Variants in IL11 observed in about 807,000 individuals in gnomAD.
The protein encoded by IL11 is interleukin 11.
IL11 carries 17 observed loss-of-function variants against 18.1 expected under a neutral mutation model. That is an observed-to-expected ratio of 0.94 (90% confidence interval 0.64 to 1.41). IL11 has a LOEUF of 1.41. IL11 is among the 40% of genes most tolerant of loss of function. IL11 has a pLI of 0.00. For synonymous variants in IL11, 144 were observed against 134.1 expected, an observed-to-expected ratio of 1.07 and a Z score of -0.51; for missense variants, 309 against 262.8, an observed-to-expected ratio of 1.18 and a Z score of -1.22.
chr19:55,366,536 C>T lies in IL11; in HGVS notation c.430-359G>A, dbSNP rs1023315296. On this transcript the variant is annotated intron_variant, in intron 4 of 4. Transcript: ENST00000264563. The surrounding 1 kb of genome is among the most constrained non-coding windows in gnomAD (Gnocchi z 4.6). ...CTGTTAGAACAATTAAGAAGCCAGG[C>T]GCGGGGGCTCACGCCTGTTATCCCA... is the stretch of plus-strand genomic sequence containing the variant. Among the ~76,000 whole-genome samples the T allele has an allele frequency of 6.6e-6, 1 of 151,882 alleles. No homozygotes were observed. The highest frequency in any genetic ancestry group is 1.5e-5 in the Non-Finnish European group (1 of 67,978).
In IL11 at chr19:55,364,903, A is replaced by T. The variant is rs1428038651; in HGVS notation, c.*1104T>A. On this transcript the variant is annotated 3_prime_UTR_variant, in exon 5 of 5. Transcript: ENST00000264563. Reference sequence around the variant, plus strand: ...ATCCACAGATGCACCATGTTGCTTAACCCTCACTGTTGGATATCTAGATTG... The same window carrying T: ...ATCCACAGATGCACCATGTTGCTTATCCCTCACTGTTGGATATCTAGATTG... 1 of 152,198 alleles carries T rather than the reference A, an allele frequency of 6.6e-6. No homozygotes were observed. The highest frequency in any genetic ancestry group is 1.5e-5 in the Non-Finnish European group (1 of 68,048). The allele number at this position is 152,198 out of a possible 1,614,324, so 9.4% of individuals were successfully genotyped here.
chr19:55,366,042 C>T lies in IL11; in HGVS notation c.565G>A (p.Val189Met), dbSNP rs201003688. ...GTCTTCAGCAGCAGCAGTCCCCTCA[C>T]GGCCCAGTCAAGTGTCAGGTGCAGC... is the stretch of plus-strand genomic sequence containing the variant. ...GGLHLTLDWA[V>M]RGLLLLKTRL The change falls in exon 5 of 5, where the codon GTG (valine) becomes ATG (methionine). Residue 189 changes from valine (V) to methionine (M), a missense_variant. Transcript: ENST00000264563. This position sits in a 1 kb window ranked among gnomAD's most constrained non-coding sequence, Gnocchi z 4.6. 2.7e-5 allele frequency: 43 copies of T among 1,603,658 alleles called. No individual in the cohort carries two copies. The East Asian group carries it at 2.9e-4, about 11-fold the overall frequency.
rs1478902145 is a variant in IL11, at chr19:55,365,685, A to G, written c.*322T>C. 9.6e-6 allele frequency: 3 copies of G among 311,788 alleles called. No homozygotes were observed. The highest frequency in any genetic ancestry group is 2.2e-5 in the African/African-American group (1 of 45,106). 19.3% of individuals were successfully genotyped at this position (311,788 alleles called of 1,614,324 possible). ...AACATGAAAAGTAATTGCTTAAATA[A>G]ATAATATATGTTCCTGCCCAGGCCT... On this transcript the variant is annotated 3_prime_UTR_variant, in exon 5 of 5. Coordinates refer to ENST00000264563, the MANE Select transcript of IL11 (RefSeq NM_000641.4).
intron 2 of IL11, 62 bp downstream of exon 2, chr19:55,368,707 G>A: frequency 6.6e-7 from 1 of 1,516,290 alleles, no homozygotes; most frequent in Non-Finnish European, 8.9e-7. Context: ...GCTGCCCGCA[G>A]ACTCCTCTCC....
intron 4 of IL11, among the ~76,000 whole-genome samples, chr19:55,367,136 T>C (rs1244187550): frequency 6.6e-6 from 1 of 152,154 alleles, no homozygotes; most frequent in Non-Finnish European, 1.5e-5. Context: ...TCTTTGGAGT[T>C]AGGCCCAAGA....
chr19:55,369,397 C>G lies in IL11; in HGVS notation c.8-456G>C, dbSNP rs2089807498. On this transcript the variant is annotated intron_variant, in intron 1 of 4. Coordinates refer to ENST00000264563, the MANE Select transcript of IL11 (RefSeq NM_000641.4). The surrounding 1 kb of genome is among the most constrained non-coding windows in gnomAD (Gnocchi z 6.1). ...GGGGAGGCACAGGCCAGAACCTGCC[C>G]CCTCCCCGGGCCGCGGGAGCCCGAG... Among the ~76,000 whole-genome samples, 1 of 151,898 alleles carries G rather than the reference C, an allele frequency of 6.6e-6. No homozygotes were observed. The highest frequency in any genetic ancestry group is 2.1e-4 in the South Asian group (1 of 4,822).
chr19:55,368,878 G>A lies in IL11; in HGVS notation c.71C>T (p.Pro24Leu), dbSNP rs778297416. ...GGAAACTCGAGGGGGGCCAGGTGGT[G>A]GCCCAGGGGCGACAGCTGTATCTGG... The part of the protein sequence containing the change: ...LWPDTAVAPG[P>L]PPGPPRVSPD... Residue 24 changes from proline (P) to leucine (L), a missense_variant, in exon 2 of 5, where the codon CCA becomes CTA. Pro to Leu is a moderately conservative substitution (Grantham distance 98). Transcript: ENST00000264563. 3.6e-5 allele frequency: 56 copies of A among 1,568,994 alleles called. No individual in the cohort carries two copies. The East Asian group carries it at 1.1e-3, about 31-fold the overall frequency.
chr19:55,369,643 GCGCGGGGGTCCGGAGCT>G lies in IL11; in HGVS notation c.7+644_7+660del, dbSNP rs1366051297. Among the ~76,000 whole-genome samples, 1 of 120,018 alleles carries G rather than the reference GCGCGGGGGTCCGGAGCT, an allele frequency of 8.3e-6. No individual in the cohort carries two copies. Among genetic ancestry groups the G allele is most frequent in the African/African-American group, 4.2e-5 (1 of 23,876 alleles). The allele number at this position is 120,018 out of a possible 152,430, so 78.7% of individuals were successfully genotyped here. A position where few individuals can be genotyped will look rare whatever the true frequency, so the allele number is the denominator to read the frequency against. On this transcript the variant is annotated intron_variant, in intron 1 of 4. Coordinates refer to ENST00000264563, the MANE Select transcript of IL11 (RefSeq NM_000641.4). The surrounding 1 kb of genome is among the most constrained non-coding windows in gnomAD (Gnocchi z 6.1). ...GCGGGGGGCGCGGGGGGCGCGGGGG[GCGCGGGGGTCCGGAGCT>G]CGCTCCCCGCAGCCCACCCCGGCCG...
chr19:55,368,790 CG>C lies in IL11; in HGVS notation c.158del (p.Thr53SerfsTer8). ...CTACCAGCTGTGCAGCCAGCTGCCG[CG>C]TGTCCGCCAGGAGAGAGCGGGTCAG... is the stretch of plus-strand genomic sequence containing the variant. ...VLLTRSLLAD[T>X]RQLAAQLRDK... is the part of the protein sequence containing the mutation. On this transcript the variant is annotated frameshift_variant, in exon 2 of 5. Coordinates refer to ENST00000264563, the MANE Select transcript of IL11 (RefSeq NM_000641.4). LOFTEE classifies it high-confidence loss of function. 1 of 1,588,978 alleles carries C rather than the reference CG, an allele frequency of 6.3e-7. No homozygotes were observed. The highest frequency in any genetic ancestry group is 8.6e-7 in the Non-Finnish European group (1 of 1,168,338).
rs2089785332 is a variant in IL11, at chr19:55,366,231, G to A, written c.430-54C>T. ...AGGTAGGGGGTGCAGCGGGGGTGCA[G>A]GGCAGGGGTGCTGTGGAGCTGCAGC... On this transcript the variant is annotated intron_variant, in intron 4 of 4. Transcript: ENST00000264563. This position sits in a 1 kb window ranked among gnomAD's most constrained non-coding sequence, Gnocchi z 4.6. 3.5e-6 allele frequency: 5 copies of A among 1,433,696 alleles called. No homozygotes were observed. The Admixed American group carries it at 9.0e-5, about 26-fold the overall frequency. The allele number at this position is 1,433,696 out of a possible 1,614,324, so 88.8% of individuals were successfully genotyped here. A position where few individuals can be genotyped will look rare whatever the true frequency, so the allele number is the denominator to read the frequency against.
In IL11 at chr19:55,366,761, G is replaced by T. The variant is rs191246236; in HGVS notation, c.430-584C>A. On this transcript the variant is annotated intron_variant, in intron 4 of 4. Transcript: ENST00000264563. The surrounding 1 kb of genome is among the most constrained non-coding windows in gnomAD (Gnocchi z 4.6). ...CAGGAGGCGGAGGTTCCAGCGAGCC[G>T]AAATGGCACCATTGCACTCTAGCCT... Among the ~76,000 whole-genome samples, 1 of 152,066 alleles carries T rather than the reference G, an allele frequency of 6.6e-6. No homozygotes were observed. The highest frequency in any genetic ancestry group is 1.5e-5 in the Non-Finnish European group (1 of 68,020).
chr19:55,365,612 AT>A lies in IL11; in HGVS notation c.*394del, dbSNP rs2089780193. ...TCTCTGTCTCACAAAGGTTTCTCAC[AT>A]TTTTGTACAAAAACCCAGGCTTCCC... On this transcript the variant is annotated 3_prime_UTR_variant, in exon 5 of 5. Coordinates refer to ENST00000264563, the MANE Select transcript of IL11 (RefSeq NM_000641.4). 1 of 209,016 alleles carries A rather than the reference AT, an allele frequency of 4.8e-6. No homozygotes were observed. The highest frequency in any genetic ancestry group is 5.7e-5 in the Admixed American group (1 of 17,502). 12.9% of individuals were successfully genotyped at this position (209,016 alleles called of 1,614,324 possible).
At chr19:55,368,618 C>G in intron 2 of IL11, 49 bp from the exon 3 acceptor site, 1 of 1,531,910 alleles carries the variant, frequency 6.5e-7, no homozygotes, top group Non-Finnish European at 8.9e-7. Flanking sequence ...CCTCGGGGCT[C>G]CCTCCATCCC....
rs1039208449 is a variant in IL11 at position 55,366,295 on chromosome 19, G to A, written c.430-118C>T. ...CATATTCACAGGGGGACTGTGGCGC[G>A]TGGGGTGAAGTGTTTAGGCCGGGAG... is the stretch of plus-strand genomic sequence containing the variant. On this transcript the variant is annotated intron_variant, in intron 4 of 4. Transcript: ENST00000264563. The surrounding 1 kb of genome is among the most constrained non-coding windows in gnomAD (Gnocchi z 4.6). 59 of 1,050,084 alleles carry A rather than the reference G, an allele frequency of 5.6e-5. No individual in the cohort carries two copies. The highest frequency in any genetic ancestry group is 7.0e-5 in the Non-Finnish European group (53 of 761,308). 65.0% of individuals were successfully genotyped at this position (1,050,084 alleles called of 1,614,324 possible).
chr19:55,367,062 G>A (rs1257583797), intron 4 of IL11, among the ~76,000 whole-genome samples: 6 of 152,128 alleles, frequency 3.9e-5, no homozygotes, highest in Non-Finnish European at 8.8e-5. Flanking sequence ...CTGGGTTCAA[G>A]TTCAGGAACT....
At position 55,368,804 on chromosome 19, in the gene IL11, G is replaced by A; in HGVS notation, c.145C>T (p.Leu49Phe). The A allele has an allele frequency of 2.5e-6, 4 of 1,592,640 alleles. No homozygotes were observed. Among genetic ancestry groups the A allele is most frequent in the African/African-American group, 1.3e-5 (1 of 74,912 alleles). Residue 49 changes from leucine (L) to phenylalanine (F), a missense_variant, in exon 2 of 5, where the codon CTC becomes TTC. Physicochemically the swap from Leu to Phe is conservative, Grantham distance 22 (BLOSUM62 0). Transcript: ENST00000264563. The stretch of plus-strand genomic sequence containing the variant: ...GCCAGCTGCCGCGTGTCCGCCAGGA[G>A]AGAGCGGGTCAGGAGCACGGTGCTG... The part of the protein sequence containing the change: ...LDSTVLLTRS[L>F]LADTRQLAAQ...
intron 4 of IL11, among the ~76,000 whole-genome samples, chr19:55,367,320 CAGCCAGGGTCCCA>C (rs1481981284): frequency 6.6e-6 from 1 of 151,676 alleles, no homozygotes; most frequent in African/African-American, 2.4e-5. Context: ...TGGGTTTGTA[CAGCCAGGGTCCCA>C]AGGCTGGCTT....
chr19:55,370,334 C>T lies in IL11; in HGVS notation c.-24G>A. Reference sequence around the variant, plus strand: ...ATGTCCCCACAGGGCCAGGGGTTCCCCAGGGCAGGGGGCAGGGAGCCGGGG... The same window carrying T: ...ATGTCCCCACAGGGCCAGGGGTTCCTCAGGGCAGGGGGCAGGGAGCCGGGG... On this transcript the variant is annotated 5_prime_UTR_variant, in exon 1 of 5. Coordinates refer to ENST00000264563, the MANE Select transcript of IL11 (RefSeq NM_000641.4). The T allele has an allele frequency of 7.0e-7, 1 of 1,428,386 alleles. No individual in the cohort carries two copies. The highest frequency in any genetic ancestry group is 9.3e-7 in the Non-Finnish European group (1 of 1,080,130). 88.5% of individuals were successfully genotyped at this position (1,428,386 alleles called of 1,614,324 possible).
At chr19:55,370,175 T>C in intron 1 of IL11, 129 bp downstream of exon 1, 1 of 726,024 alleles carries the variant, frequency 1.4e-6, no homozygotes, top group Non-Finnish European at 2.5e-6. Context: ...CCGAAGCTGC[T>C]CTCCTCCCCG....
Sources: allele counts gnomAD v4.1 joint callset (sites outside exome capture counted in the v4.1 genomes callset), GRCh38; gene constraint gnomAD v4.1.1; non-coding constraint Gnocchi (gnomAD v3.1); transcripts MANE v1.5; gene names NCBI Gene and HGNC (gene_info 2026-07-23, HGNC 2026-07-21).